Variants in CDR2L observed in about 807,000 individuals in gnomAD.
CDR2L encodes cerebellar degeneration related protein 2 like.
CDR2L carries 19 observed loss-of-function variants against 36.1 expected under a neutral mutation model. The observed-to-expected ratio is 0.53, with a 90% CI of 0.37 to 0.77. CDR2L has a LOEUF of 0.77. Among genes scored for constraint, CDR2L ranks in the 30% least tolerant of loss-of-function variants. The pLI is 0.00. For missense variants in CDR2L, 575 were observed against 627.2 expected (o/e 0.92, Z 0.89); for synonymous variants, 285 against 280.4 (o/e 1.02, Z -0.16).
At chr17:74,996,200 T>C (rs2039824423) in intron 1 of CDR2L, among the ~76,000 whole-genome samples, 1 of 152,036 alleles carries the variant, frequency 6.6e-6, no homozygotes, top group Non-Finnish European at 1.5e-5. Context: ...TTCCAGCACT[T>C]TGGGAGGCCG....
chr17:75,003,899 A>T lies in CDR2L; in HGVS notation c.1223A>T (p.Gln408Leu). ...GACCTGCGCGGGGGTGAGGAGGGCCAGGGTGAGGTCAAGGCAGGAGAGAAG... is the reference window on the plus strand; with the variant it reads ...GACCTGCGCGGGGGTGAGGAGGGCCTGGGTGAGGTCAAGGCAGGAGAGAAG... ...WRDLRGGEEGQGEVKAGEKSL... is the reference protein window; with the variant it reads ...WRDLRGGEEGLGEVKAGEKSL... Residue 408 changes from glutamine to leucine, a missense_variant, in exon 5 of 5, where the codon CAG (glutamine) becomes CTG (leucine). Transcript: ENST00000337231. 1.2e-6 allele frequency: 2 copies of T among 1,608,158 alleles called. No homozygotes were observed. Among genetic ancestry groups the T allele is most frequent in the African/African-American group, 1.3e-5 (1 of 74,960 alleles).
At chr17:74,999,202 C>T (rs1366121665) in intron 1 of CDR2L, among the ~76,000 whole-genome samples, 2 of 152,084 alleles carry the variant, frequency 1.3e-5, no homozygotes, top group Admixed American at 1.3e-4. Context: ...TAGAACCACA[C>T]CCCTGAGAAT....
chr17:74,991,869 G>A (rs1193002967), intron 1 of CDR2L, among the ~76,000 whole-genome samples: 1 of 152,088 alleles, frequency 6.6e-6, no homozygotes, highest in East Asian at 1.9e-4. Flanking sequence ...TCACAGATTT[G>A]AAGTCCTTGG....
chr17:74,999,059 T>C (rs1221709920), intron 1 of CDR2L, among the ~76,000 whole-genome samples: 2 of 152,168 alleles, frequency 1.3e-5, no homozygotes, highest in South Asian at 2.1e-4. Context: ...GAAGAAGCCA[T>C]GCGGACACTC....
rs370557228 is a variant in CDR2L at position 74,999,309 on chromosome 17, CACACACAG to C, written c.80-187_80-180del. On this transcript the variant is annotated intron_variant, in intron 1 of 4. Transcript: ENST00000337231. Reference sequence around the variant, plus strand: ...TCTTGCACACACACACACACACACACACACACAGACACACACAAAAAGAACATTCCAGG... The same window carrying C: ...TCTTGCACACACACACACACACACACACACACACAAAAAGAACATTCCAGG... Among the ~76,000 whole-genome samples, 99 of 150,718 alleles carry C rather than the reference CACACACAG, an allele frequency of 6.6e-4. 1 individual carries two copies. The highest frequency in any genetic ancestry group is 3.4e-3 in the Middle Eastern group (1 of 294).
Position 75,003,256 on chromosome 17 carries a change from C to T in CDR2L, c.580C>T (p.Arg194Trp), listed in dbSNP as rs1433577650. Reference protein sequence around the residue: ...GPRPLEQENERLQTLVGALRS... With the variant: ...GPRPLEQENEWLQTLVGALRS... ...GCGGCCCCTGGAGCAGGAGAACGAGCGGCTGCAGACCCTGGTGGGGGCGCT... is the reference window on the plus strand; with the variant it reads ...GCGGCCCCTGGAGCAGGAGAACGAGTGGCTGCAGACCCTGGTGGGGGCGCT... Residue 194 changes from arginine to tryptophan, a missense_variant, in exon 5 of 5, where the codon CGG becomes TGG. Physicochemically the swap from Arg to Trp is moderately radical, Grantham distance 101 (BLOSUM62 -3). Coordinates refer to ENST00000337231, the MANE Select transcript of CDR2L (RefSeq NM_014603.3). 2.6e-6 allele frequency: 4 copies of T among 1,560,300 alleles called. No homozygotes were observed. Among genetic ancestry groups the T allele is most frequent in the Non-Finnish European group, 3.5e-6 (4 of 1,153,218 alleles).
chr17:74,997,067 TC>T (rs749133474), intron 1 of CDR2L, among the ~76,000 whole-genome samples: 5,212 of 43,732 alleles, frequency 0.12, 432 homozygotes, highest in Non-Finnish European at 0.16. Flanking sequence ...TTTCTTTCTT[TC>T]TTTCTTTCTT....
Position 75,002,069 on chromosome 17 carries a change from C to T in CDR2L, c.347C>T (p.Thr116Met), listed in dbSNP as rs776906486. The change falls in exon 4 of 5, where the codon ACG becomes ATG. Residue 116 changes from threonine to methionine, a missense_variant. Coordinates refer to ENST00000337231, the MANE Select transcript of CDR2L (RefSeq NM_014603.3). This position sits in a 1 kb window ranked among gnomAD's most constrained non-coding sequence, Gnocchi z 4.1. ...KAAQQKIHGL[T>M]ETIERLQAQV... ...GTCCACCACCCCGCCCCCAGGCTGA[C>T]GGAGACCATTGAGCGCCTCCAGGCT... 96 of 1,587,626 alleles carry T rather than the reference C, an allele frequency of 6.0e-5. 1 individual carries two copies. The highest frequency in any genetic ancestry group is 6.0e-4 in the South Asian group (52 of 86,980).
intron 1 of CDR2L, among the ~76,000 whole-genome samples, chr17:74,990,498 G>A (rs1319691872): frequency 6.6e-6 from 1 of 152,224 alleles, no homozygotes; most frequent in African/African-American, 2.4e-5. Flanking sequence ...ACTCACAATG[G>A]CGTCAGAGTG....
At chr17:74,990,489 C>T (rs1384820236) in intron 1 of CDR2L, among the ~76,000 whole-genome samples, 10 of 152,246 alleles carry the variant, frequency 6.6e-5, no homozygotes, top group African/African-American at 2.4e-4. Context: ...TAGGACCAAA[C>T]TCACAATGGC....
Position 75,004,188 on chromosome 17 carries a change from G to A in CDR2L, c.*114G>A, listed in dbSNP as rs2039889383. On this transcript the variant is annotated 3_prime_UTR_variant, in exon 5 of 5. Coordinates refer to ENST00000337231, the MANE Select transcript of CDR2L (RefSeq NM_014603.3). The stretch of plus-strand genomic sequence containing the variant: ...TTAGCGGCCTGCCACCACAGCACGC[G>A]GCCTCCTGATCCGGAAGCACGCAGC... The A allele has an allele frequency of 2.9e-5, 26 of 897,138 alleles. No homozygotes were observed. Among genetic ancestry groups the A allele is most frequent in the South Asian group, 1.8e-4 (10 of 56,528 alleles). The allele number at this position is 897,138 out of a possible 1,614,324, so 55.6% of individuals were successfully genotyped here. A position where few individuals can be genotyped will look rare whatever the true frequency, so the allele number is the denominator to read the frequency against.
chr17:74,995,967 G>A (rs1379010538), intron 1 of CDR2L, among the ~76,000 whole-genome samples: 4 of 151,454 alleles, frequency 2.6e-5, no homozygotes, highest in African/African-American at 4.9e-5. Context: ...ACCCTTCTCC[G>A]TCTCTGGATT....
At chr17:74,991,788 C>G (rs939962550) in intron 1 of CDR2L, among the ~76,000 whole-genome samples, 2 of 152,214 alleles carry the variant, frequency 1.3e-5, no homozygotes, top group African/African-American at 4.8e-5. Flanking sequence ...GCCCACATTC[C>G]TCCCCTACCT....
chr17:75,002,104 G>T lies in CDR2L; in HGVS notation c.382G>T (p.Glu128Ter). 1 of 1,601,248 alleles carries T rather than the reference G, an allele frequency of 6.2e-7. No homozygotes were observed. Among genetic ancestry groups the T allele is most frequent in the Non-Finnish European group, 8.5e-7 (1 of 1,174,976 alleles). ...TGAGCGCCTCCAGGCTCAGGTGGAG[G>T]AGCTGCAGGCCCAGGTGGAGCAACT... is the stretch of plus-strand genomic sequence containing the variant. The part of the protein sequence containing the change: ...TIERLQAQVE[E>*]LQAQVEQLRG... Residue 128 changes from glutamate (E) to a stop codon, truncating the protein, a stop_gained, in exon 4 of 5, where the codon GAG becomes TAG. Coordinates refer to ENST00000337231, the MANE Select transcript of CDR2L (RefSeq NM_014603.3). LOFTEE classifies it high-confidence loss of function. The surrounding 1 kb of genome is among the most constrained non-coding windows in gnomAD (Gnocchi z 4.1).
chr17:75,003,254 AGCG>A lies in CDR2L; in HGVS notation c.581_583del (p.Arg194del), dbSNP rs1221611988. On this transcript the variant is annotated inframe_deletion, in exon 5 of 5. Coordinates refer to ENST00000337231, the MANE Select transcript of CDR2L (RefSeq NM_014603.3). The stretch of plus-strand genomic sequence containing the variant: ...CCGCGGCCCCTGGAGCAGGAGAACG[AGCG>A]GCTGCAGACCCTGGTGGGGGCGCTG... 6.4e-6 allele frequency: 10 copies of A among 1,560,652 alleles called. No individual in the cohort carries two copies. Among genetic ancestry groups the A allele is most frequent in the Non-Finnish European group, 8.7e-6 (10 of 1,153,378 alleles).
At chr17:74,999,650 C>A in intron 2 of CDR2L, 34 bp downstream of exon 2, 1 of 1,346,426 alleles carries the variant, frequency 7.4e-7, no homozygotes, top group Non-Finnish European at 1.0e-6. Flanking sequence ...CCACACCCCT[C>A]GAGGGCCCCT....
Position 74,999,651 on chromosome 17 carries a change from G to A in CDR2L, c.192+35G>A, listed in dbSNP as rs370508998. 23 of 1,352,406 alleles carry A rather than the reference G, an allele frequency of 1.7e-5. No homozygotes were observed. In the East Asian group the frequency reaches 2.0e-4, roughly 12 times the overall value. The allele number at this position is 1,352,406 out of a possible 1,614,324, so 83.8% of individuals were successfully genotyped here. A position where few individuals can be genotyped will look rare whatever the true frequency, so the allele number is the denominator to read the frequency against. On this transcript the variant is annotated intron_variant, in intron 2 of 4. Transcript: ENST00000337231. ...CTGCATGTGCTTGCCCACACCCCTC[G>A]AGGGCCCCTTGGCCTGTGTGTGCCT...
rs767172066 is a variant in CDR2L at position 75,002,188 on chromosome 17, C to A, written c.466C>A (p.His156Asn). The A allele has an allele frequency of 1.2e-6, 2 of 1,609,708 alleles. No individual in the cohort carries two copies. Among genetic ancestry groups the A allele is most frequent in the South Asian group, 2.2e-5 (2 of 90,166 alleles). The change falls in exon 4 of 5, where the codon CAC becomes AAC. Residue 156 changes from histidine to asparagine, a missense_variant. Transcript: ENST00000337231. The surrounding 1 kb of genome is among the most constrained non-coding windows in gnomAD (Gnocchi z 4.1). ...REKRERRRTI[H>N]TFPCLKELCT... ...GAAGCGGGAACGCAGGCGTACCATC[C>A]ACACCTTCCCCTGCCTCAAGGAGCT... is the stretch of plus-strand genomic sequence containing the variant.
intron 1 of CDR2L, among the ~76,000 whole-genome samples, chr17:74,993,013 C>T (rs1003307440): frequency 1.8e-4 from 27 of 152,206 alleles, no homozygotes; most frequent in African/African-American, 6.3e-4. Context: ...CCGACACCCA[C>T]GGCAGGAGGT....
Sources: gnomAD v4.1 joint callset for allele counts (sites outside exome capture counted in the v4.1 genomes callset) on GRCh38, gnomAD v4.1.1 for gene constraint, Gnocchi (gnomAD v3.1) non-coding constraint, MANE v1.5 for transcripts, NCBI Gene and HGNC (gene_info 2026-07-23, HGNC 2026-07-21) for gene names.